ZNF354C: variants seen among roughly 807,000 people sequenced by gnomAD.
ZNF354C encodes the protein KRAB-zinc finger protein synten.
ZNF354C carries 7 observed loss-of-function variants against 12.4 expected under a neutral mutation model. That is an observed-to-expected ratio of 0.56 (90% CI 0.32 to 1.06). The LOEUF (loss-of-function observed/expected upper bound fraction) is 1.06, where lower values mean the gene tolerates loss of function less well. Among genes scored for constraint, ZNF354C ranks in the 50% least tolerant of loss-of-function variants. The pLI is 0.04. For missense variants in ZNF354C, 609 were observed against 658.0 expected (o/e 0.93, Z 0.81); for synonymous variants, 202 against 224.5 (o/e 0.90, Z 0.90).
At chr5:179,069,731 T>C in intron 2 of ZNF354C, among the ~76,000 whole-genome samples, 1 of 150,832 alleles carries the variant, frequency 6.6e-6, no homozygotes, top group African/African-American at 2.4e-5. Context: ...CCGGGCGCGG[T>C]GGCGGGCGCC....
chr5:179,065,175 T>G (rs1761944414), intron 2 of ZNF354C, among the ~76,000 whole-genome samples: 1 of 152,182 alleles, frequency 6.6e-6, no homozygotes, highest in Admixed American at 6.5e-5. Flanking sequence ...GTATATTTGT[T>G]ACAATTAACG....
intron 2 of ZNF354C, among the ~76,000 whole-genome samples, chr5:179,072,608 TCACAGCTA>T (rs1420994122): frequency 6.6e-6 from 1 of 152,130 alleles, no homozygotes; most frequent in East Asian, 1.9e-4. Flanking sequence ...ACAAAGGAAG[TCACAGCTA>T]CACACATCAT....
At chr5:179,070,995 C>T (rs552921362) in intron 2 of ZNF354C, among the ~76,000 whole-genome samples, 8 of 151,854 alleles carry the variant, frequency 5.3e-5, no homozygotes, top group Non-Finnish European at 7.4e-5. Context: ...ACTACAGGCG[C>T]CTGCCACCAA....
rs143223305 is a variant in ZNF354C, at chr5:179,079,546, G to A, written c.1114G>A (p.Ala372Thr). ...GKGYSQFTSLAEHQRFHTGEQ... is the reference protein window; with the variant it reads ...GKGYSQFTSLTEHQRFHTGEQ... ...GGGATACAGCCAGTTTACATCTCTA[G>A]CTGAACATCAGAGGTTTCATACTGG... The change falls in exon 5 of 5, where the codon GCT (alanine) becomes ACT (threonine). Residue 372 changes from alanine (A) to threonine (T), a missense_variant. Coordinates refer to ENST00000315475, the MANE Select transcript of ZNF354C (RefSeq NM_014594.3). This position sits in a 1 kb window ranked among gnomAD's most constrained non-coding sequence, Gnocchi z 4.2. 5.5e-5 allele frequency: 88 copies of A among 1,614,148 alleles called. No individual in the cohort carries two copies. The highest frequency in any genetic ancestry group is 7.3e-5 in the Non-Finnish European group (86 of 1,180,018).
chr5:179,064,518 G>A (rs1400454813), intron 2 of ZNF354C, among the ~76,000 whole-genome samples: 1 of 151,868 alleles, frequency 6.6e-6, no homozygotes, highest in East Asian at 1.9e-4. Context: ...CCGGGTTCAC[G>A]CCATTCTCCT....
At chr5:179,064,231 TTTGTTG>T (rs922460607) in intron 2 of ZNF354C, among the ~76,000 whole-genome samples, 1 of 152,116 alleles carries the variant, frequency 6.6e-6, no homozygotes, top group South Asian at 2.1e-4. Context: ...TTTGTGGGTT[TTTGTTG>T]TTGTTGTTGT....
rs566651322 is a variant in ZNF354C at position 179,077,105 on chromosome 5, G to C, written c.189G>C (p.Gln63His). The C allele has an allele frequency of 6.2e-7, 1 of 1,614,210 alleles. No homozygotes were observed. Among genetic ancestry groups the C allele is most frequent in the African/African-American group, 1.3e-5 (1 of 75,044 alleles). ...IPFSMPKLIH[Q>H]LQQGEDPCMV... ...TTTCAATGCCAAAGTTGATTCATCAGTTGCAGCAAGGAGAAGATCCCTGCA... is the reference window on the plus strand; with the variant it reads ...TTTCAATGCCAAAGTTGATTCATCACTTGCAGCAAGGAGAAGATCCCTGCA... Residue 63 changes from glutamine (Q) to histidine (H), a missense_variant, in exon 4 of 5, where the codon CAG becomes CAC. Gln to His is a conservative substitution (Grantham distance 24). Coordinates refer to ENST00000315475, the MANE Select transcript of ZNF354C (RefSeq NM_014594.3).
intron 2 of ZNF354C, among the ~76,000 whole-genome samples, chr5:179,073,496 A>G (rs1762075807): frequency 6.6e-6 from 1 of 152,204 alleles, no homozygotes; most frequent in Admixed American, 6.5e-5. Context: ...GCTATAATAC[A>G]AATAACCACC....
At position 179,062,021 on chromosome 5, in the gene ZNF354C, C is replaced by T. The variant is rs369952026; in HGVS notation, c.-48C>T. 1 of 1,610,754 alleles carries T rather than the reference C, an allele frequency of 6.2e-7. No individual in the cohort carries two copies. Among genetic ancestry groups the T allele is most frequent in the Non-Finnish European group, 8.5e-7 (1 of 1,177,348 alleles). Reference sequence around the variant, plus strand: ...ACACCTTTTTCCTCTGCAGACCCACCGTGTCCACACTCTGCTCTCCCTGGG... The same window carrying T: ...ACACCTTTTTCCTCTGCAGACCCACTGTGTCCACACTCTGCTCTCCCTGGG... On this transcript the variant is annotated 5_prime_UTR_variant, in exon 2 of 5. Transcript: ENST00000315475.
At position 179,079,277 on chromosome 5, in the gene ZNF354C, G is replaced by C. The variant is rs146769885; in HGVS notation, c.845G>C (p.Ser282Thr). Reference protein sequence around the residue: ...YKCNECEKAFSNSSTLIKHLR... With the variant: ...YKCNECEKAFTNSSTLIKHLR... ...TGTAATGAATGTGAGAAGGCATTTA[G>C]CAACAGTTCAACCCTTATCAAACAT... The change falls in exon 5 of 5, where the codon AGC (serine) becomes ACC (threonine). Residue 282 changes from serine to threonine, a missense_variant. By Grantham distance (58) the Ser-to-Thr change is moderately conservative. Transcript: ENST00000315475. The surrounding 1 kb of genome is among the most constrained non-coding windows in gnomAD (Gnocchi z 4.2). 1 of 1,614,084 alleles carries C rather than the reference G, an allele frequency of 6.2e-7. No individual in the cohort carries two copies. Among genetic ancestry groups the C allele is most frequent in the African/African-American group, 1.3e-5 (1 of 75,012 alleles).
chr5:179,061,995 G>A lies in ZNF354C; in HGVS notation c.-54-20G>A. On this transcript the variant is annotated intron_variant, in intron 1 of 4. Transcript: ENST00000315475. ...ATCTCCTGACGCCAGGGTTCCTCTT[G>A]ACACCTTTTTCCTCTGCAGACCCAC... 6.4e-7 allele frequency: 1 copy of A among 1,553,966 alleles called. No individual in the cohort carries two copies. Among genetic ancestry groups the A allele is most frequent in the Non-Finnish European group, 8.9e-7 (1 of 1,125,592 alleles).
At chr5:179,065,787 T>C (rs547620386) in intron 2 of ZNF354C, among the ~76,000 whole-genome samples, 16 of 151,914 alleles carry the variant, frequency 1.1e-4, no homozygotes, top group African/African-American at 3.6e-4. Flanking sequence ...TAGCCTGGGG[T>C]TGGGTTTTGG....
At chr5:179,068,167 TA>T (rs142609516) in intron 2 of ZNF354C, among the ~76,000 whole-genome samples, 1 of 149,278 alleles carries the variant, frequency 6.7e-6, no homozygotes, top group South Asian at 2.1e-4. Context: ...CCTGTCTGTT[TA>T]AAAAAAAAGA....
Position 179,079,248 on chromosome 5 carries a change from C to CAA in ZNF354C, c.817_818dup (p.Cys274SerfsTer19). The CAA allele has an allele frequency of 6.2e-7, 1 of 1,613,794 alleles. No homozygotes were observed. The highest frequency in any genetic ancestry group is 8.5e-7 in the Non-Finnish European group (1 of 1,179,934). On this transcript the variant is annotated frameshift_variant, in exon 5 of 5. Transcript: ENST00000315475. LOFTEE classifies it low-confidence loss of function (END_TRUNC). This position sits in a 1 kb window ranked among gnomAD's most constrained non-coding sequence, Gnocchi z 4.2. ...GAATTCATACTGGAGAGAAACCTTA[C>CAA]AAGTGTAATGAATGTGAGAAGGCAT...
chr5:179,075,761 T>C (rs921827646), intron 2 of ZNF354C, among the ~76,000 whole-genome samples: 3 of 152,214 alleles, frequency 2.0e-5, no homozygotes, highest in African/African-American at 7.2e-5. Context: ...GTCATAGAGA[T>C]CTACCTCATT....
chr5:179,075,941 ATTCTT>A (rs1451596115), intron 2 of ZNF354C, among the ~76,000 whole-genome samples: 1 of 152,218 alleles, frequency 6.6e-6, no homozygotes, highest in African/African-American at 2.4e-5. Flanking sequence ...GCATAAATGT[ATTCTT>A]TTACAGTTCT....
rs1762205972 is a variant in ZNF354C at position 179,080,123 on chromosome 5, T to C, written c.*26T>C. ...TTCATCTCTCAAATAATCCAAGACTTCTCACTGGGGAATAAGGGAATAATA... is the reference window on the plus strand; with the variant it reads ...TTCATCTCTCAAATAATCCAAGACTCCTCACTGGGGAATAAGGGAATAATA... On this transcript the variant is annotated 3_prime_UTR_variant, in exon 5 of 5. Coordinates refer to ENST00000315475, the MANE Select transcript of ZNF354C (RefSeq NM_014594.3). 6.8e-7 allele frequency: 1 copy of C among 1,471,640 alleles called. No individual in the cohort carries two copies. The highest frequency in any genetic ancestry group is 2.3e-5 in the East Asian group (1 of 43,950). 91.2% of individuals were successfully genotyped at this position (1,471,640 alleles called of 1,614,324 possible).
At chr5:179,062,371 G>A (rs1457677254) in intron 2 of ZNF354C, among the ~76,000 whole-genome samples, 2 of 152,168 alleles carry the variant, frequency 1.3e-5, no homozygotes, top group Non-Finnish European at 2.9e-5. Context: ...CTGGTGCTGG[G>A]TGGGGAGAAT....
At chr5:179,064,442 A>C (rs1354038199) in intron 2 of ZNF354C, among the ~76,000 whole-genome samples, 1 of 150,918 alleles carries the variant, frequency 6.6e-6, no homozygotes, top group African/African-American at 2.4e-5. Context: ...TTGGAGACAG[A>C]GTCTTGCTCA....
Sources: gnomAD v4.1 joint callset for allele counts (sites outside exome capture counted in the v4.1 genomes callset) on GRCh38, gnomAD v4.1.1 for gene constraint, Gnocchi (gnomAD v3.1) non-coding constraint, MANE v1.5 for transcripts, NCBI Gene and HGNC (gene_info 2026-07-23, HGNC 2026-07-21) for gene names.